Variants in KCNIP4 observed in about 807,000 individuals in gnomAD.
KCNIP4 encodes Kv channel-interacting protein 4.
In KCNIP4, 12 loss-of-function variants were observed where a neutral mutation model predicts 34.0. That is an observed-to-expected ratio of 0.35 (90% confidence interval 0.23 to 0.57). The LOEUF is 0.57. Ranked by LOEUF, KCNIP4 falls within the 20% of genes least tolerant of loss-of-function variation. The probability of loss-of-function intolerance (pLI) is 0.83; values close to 1 mark genes in which losing one functional copy is unlikely to be tolerated. For synonymous variants in KCNIP4, 124 were observed against 102.2 expected, an observed-to-expected ratio of 1.21 and a Z score of -1.29; for missense variants, 238 against 311.7, an observed-to-expected ratio of 0.76 and a Z score of 1.78.
intron 1 of KCNIP4, among the ~76,000 whole-genome samples, chr4:21,277,246 C>A (rs1578007676): frequency 1.3e-5 from 2 of 152,026 alleles, no homozygotes; most frequent in African/African-American, 4.8e-5. Flanking sequence ...GTGAAAGTCA[C>A]CAATAAACAA....
At chr4:21,106,602 G>T (rs372217272) in intron 1 of KCNIP4, among the ~76,000 whole-genome samples, 3 of 151,164 alleles carry the variant, frequency 2.0e-5, no homozygotes, top group Non-Finnish European at 4.4e-5. Context: ...TTTCCTTCAG[G>T]TCTGCTCTGA....
chr4:21,114,781 G>T (rs1248209371), intron 1 of KCNIP4, among the ~76,000 whole-genome samples: 1 of 152,032 alleles, frequency 6.6e-6, no homozygotes, highest in African/African-American at 2.4e-5. Context: ...GGAAGGTTAA[G>T]GAATTTGCTC....
chr4:21,464,454 A>T (rs962570977), intron 1 of KCNIP4, among the ~76,000 whole-genome samples: 2 of 152,016 alleles, frequency 1.3e-5, no homozygotes, highest in African/African-American at 2.4e-5. Context: ...CAGACCATTG[A>T]TTACTCAAGA....
chr4:20,878,957 A>G (rs371608066), intron 2 of KCNIP4, among the ~76,000 whole-genome samples: 270 of 152,248 alleles, frequency 1.8e-3, no homozygotes, highest in African/African-American at 6.2e-3. Flanking sequence ...TGGGTGGGGG[A>G]TCATTAAGCA....
chr4:20,871,959 A>T (rs1723516709), intron 2 of KCNIP4, among the ~76,000 whole-genome samples: 1 of 152,148 alleles, frequency 6.6e-6, no homozygotes, highest in African/African-American at 2.4e-5. Context: ...CAAAGCATGA[A>T]AATTTACTGT....
At chr4:21,059,589 T>C (rs1361616132) in intron 1 of KCNIP4, among the ~76,000 whole-genome samples, 1 of 152,034 alleles carries the variant, frequency 6.6e-6, no homozygotes, top group African/African-American at 2.4e-5. Flanking sequence ...ATAACAGGAA[T>C]TAGGGCCTGA....
At chr4:21,677,830 A>G (rs1272552069) in intron 1 of KCNIP4, among the ~76,000 whole-genome samples, 2 of 151,904 alleles carry the variant, frequency 1.3e-5, no homozygotes, top group Non-Finnish European at 1.5e-5. Flanking sequence ...GCTCACTGCA[A>G]CCTCCTCCTC....
At chr4:21,913,659 A>T (rs892983084) in intron 1 of KCNIP4, among the ~76,000 whole-genome samples, 5 of 152,214 alleles carry the variant, frequency 3.3e-5, no homozygotes, top group African/African-American at 1.2e-4. Context: ...AATCCTTGCT[A>T]TGACAAAGCC....
intron 3 of KCNIP4, among the ~76,000 whole-genome samples, chr4:20,819,626 T>C (rs1716857502): frequency 6.6e-6 from 1 of 152,206 alleles, no homozygotes; most frequent in African/African-American, 2.4e-5. Context: ...AAAATTCATA[T>C]GTTGGACCTG....
Position 21,096,374 on chromosome 4 carries a change from G to C in KCNIP4, c.62-213665C>G, listed in dbSNP as rs568097832. 2.6e-5 allele frequency among the ~76,000 whole-genome samples: 4 copies of C among 152,172 alleles called. No homozygotes were observed. In the South Asian group the frequency reaches 8.3e-4, roughly 32 times the overall value. ...TGCAGATCTTATCTCACTTGCAGCTGTTTACATTTTCCATATTGTGTTAAT... is the reference window on the plus strand; with the variant it reads ...TGCAGATCTTATCTCACTTGCAGCTCTTTACATTTTCCATATTGTGTTAAT... On this transcript the variant is annotated intron_variant, in intron 1 of 8. Transcript: ENST00000382152.
chr4:21,596,083 C>T (rs972908452), intron 1 of KCNIP4, among the ~76,000 whole-genome samples: 1 of 152,034 alleles, frequency 6.6e-6, no homozygotes, highest in African/African-American at 2.4e-5. Context: ...GTATCATGGC[C>T]CAACTCTCTT....
chr4:21,268,784 G>A (rs1431386602), intron 1 of KCNIP4, among the ~76,000 whole-genome samples: 1 of 152,210 alleles, frequency 6.6e-6, no homozygotes, highest in East Asian at 1.9e-4. Context: ...GCTATGGGAA[G>A]ACACCCAAGA....
intron 1 of KCNIP4, among the ~76,000 whole-genome samples, chr4:21,865,646 G>A (rs1578087527): frequency 6.6e-6 from 1 of 151,992 alleles, no homozygotes; most frequent in Non-Finnish European, 1.5e-5. Context: ...CGGGTTCAGT[G>A]ATTTTCCTGC....
At chr4:21,768,469 A>G (rs1448435883) in intron 1 of KCNIP4, among the ~76,000 whole-genome samples, 1 of 152,128 alleles carries the variant, frequency 6.6e-6, no homozygotes, top group Non-Finnish European at 1.5e-5. Context: ...TCTGCATATC[A>G]AGGAAAAAGA....
At chr4:21,342,158 A>G (rs11933121) in intron 1 of KCNIP4, among the ~76,000 whole-genome samples, 5,038 of 152,172 alleles carry the variant, frequency 0.033, 212 homozygotes, top group East Asian at 0.19. Flanking sequence ...CGGGGTAGGA[A>G]GAAAAGAGAC....
At chr4:21,327,790 C>G (rs1578083627) in intron 1 of KCNIP4, among the ~76,000 whole-genome samples, 1 of 151,932 alleles carries the variant, frequency 6.6e-6, no homozygotes, top group Non-Finnish European at 1.5e-5. Flanking sequence ...AGTCTGTCTT[C>G]AAGCTCACTA....
intron 1 of KCNIP4, among the ~76,000 whole-genome samples, chr4:20,944,128 T>C (rs1450088924): frequency 2.0e-5 from 3 of 152,174 alleles, no homozygotes; most frequent in Non-Finnish European, 4.4e-5. Context: ...GACCAGCCCC[T>C]AGCTCCATTC....
chr4:21,862,597 G>A lies in KCNIP4; in HGVS notation c.61+85974C>T, dbSNP rs184920595. Among the ~76,000 whole-genome samples, 386 of 152,306 alleles carry A rather than the reference G, an allele frequency of 2.5e-3. 2 individuals carry two copies. The highest frequency in any genetic ancestry group is 4.4e-3 in the Non-Finnish European group (301 of 68,030). ...TCGAGAAAGTGACATTTAAGTAAGG[G>A]AAGGGCTGTATTTGTCTTGATCACT... On this transcript the variant is annotated intron_variant, in intron 1 of 8. Transcript: ENST00000382152.
chr4:21,527,817 CT>C (rs2108964879), intron 1 of KCNIP4, among the ~76,000 whole-genome samples: 1 of 152,218 alleles, frequency 6.6e-6, no homozygotes, highest in African/African-American at 2.4e-5. Flanking sequence ...ATCTGAATTT[CT>C]TTCTAATTAG....
Sources: gnomAD v4.1 joint callset for allele counts (sites outside exome capture counted in the v4.1 genomes callset) on GRCh38, gnomAD v4.1.1 for gene constraint, MANE v1.5 for transcripts, NCBI Gene and HGNC (gene_info 2026-07-23, HGNC 2026-07-21) for gene names.